ANK2: variants seen among roughly 807,000 people sequenced by gnomAD.
The protein encoded by ANK2 is ankyrin-2.
In ANK2, 83 loss-of-function variants were observed where a neutral mutation model predicts 360.5. The observed-to-expected ratio is 0.23, with a 90% CI of 0.19 to 0.28. The LOEUF (loss-of-function observed/expected upper bound fraction) is 0.28. Among genes scored for constraint, ANK2 ranks in the 10% least tolerant of loss-of-function variants. ANK2 has a pLI of 1.00. For synonymous variants in ANK2, 1,740 were observed against 1,759.5 expected, an observed-to-expected ratio of 0.99 and a Z score of 0.28; for missense variants, 4,201 against 4,795.7, an observed-to-expected ratio of 0.88 and a Z score of 3.66.
chr4:113,208,979 C>T (rs542529604), intron 4 of ANK2, among the ~76,000 whole-genome samples: 14 of 152,082 alleles, frequency 9.2e-5, no homozygotes, highest in African/African-American at 3.1e-4. Context: ...AGGCAAAGGG[C>T]ATACTTCCCC....
the ANK2 span, among the ~76,000 whole-genome samples, chr4:112,746,701 AAC>A: frequency 8.5e-5 from 13 of 152,344 alleles, no homozygotes; most frequent in African/African-American, 3.1e-4. Flanking sequence ...AATAGAAACA[AAC>A]AGTTAACACA....
In ANK2 at chr4:113,354,829, T is replaced by G; in HGVS notation, c.6211T>G (p.Ser2071Ala). Residue 2071 changes from serine to alanine, a missense_variant, in exon 38 of 46, where the codon TCC becomes GCC. Physicochemically the swap from Ser to Ala is moderately conservative, Grantham distance 99. Around this residue, in one of 4 missense-constraint regions of ANK2, gnomAD observed 2,642 missense variants for 2,714.5 expected, o/e 0.97. Transcript: ENST00000357077. ...AGAATCCAAAAGAGGAGTTCGTGTTTCCTCCATAGGAGTTAAGAAAGAAGA... is the reference window on the plus strand; with the variant it reads ...AGAATCCAAAAGAGGAGTTCGTGTTGCCTCCATAGGAGTTAAGAAAGAAGA... ...TAESKRGVRVSSIGVKKEDAA... is the reference protein window; with the variant it reads ...TAESKRGVRVASIGVKKEDAA... 6.2e-7 allele frequency: 1 copy of G among 1,614,114 alleles called. No individual in the cohort carries two copies. The highest frequency in any genetic ancestry group is 8.5e-7 in the Non-Finnish European group (1 of 1,179,994).
At chr4:113,349,117 ATAC>A (rs1303960600) in intron 36 of ANK2, among the ~76,000 whole-genome samples, 1 of 152,148 alleles carries the variant, frequency 6.6e-6, no homozygotes, top group Non-Finnish European at 1.5e-5. Context: ...TTGTTATTAA[ATAC>A]TACATTATTG....
At chr4:112,740,648 G>C in the ANK2 span, among the ~76,000 whole-genome samples, 2 of 151,930 alleles carry the variant, frequency 1.3e-5, no homozygotes, top group African/African-American at 4.8e-5. Flanking sequence ...AACCCAGTGA[G>C]CCGAGATCTT....
At chr4:112,963,435 G>T (rs2035786777) in intron 2 of ANK2, among the ~76,000 whole-genome samples, 1 of 152,134 alleles carries the variant, frequency 6.6e-6, no homozygotes, top group Non-Finnish European at 1.5e-5. Context: ...TAGGTTGAGT[G>T]GGTTTGGTAA....
Position 113,357,346 on chromosome 4 carries a change from G to A in ANK2, c.8728G>A (p.Val2910Met), listed in dbSNP as rs748400535. 69 of 1,613,890 alleles carry A rather than the reference G, an allele frequency of 4.3e-5. No homozygotes were observed. Among genetic ancestry groups the A allele is most frequent in the East Asian group, 6.7e-5 (3 of 44,886 alleles). Residue 2910 changes from valine to methionine, a missense_variant, in exon 38 of 46, where the codon GTG becomes ATG. Transcript: ENST00000357077. ...AGATAGATTTTCCATGGATGTTCCCGTGTCTGACCTAGCTGAGAATGATGA... is the reference window on the plus strand; with the variant it reads ...AGATAGATTTTCCATGGATGTTCCCATGTCTGACCTAGCTGAGAATGATGA... ...QTDRFSMDVPVSDLAENDEIY... is the reference protein window; with the variant it reads ...QTDRFSMDVPMSDLAENDEIY...
At chr4:113,083,050 C>G (rs1046929862) in intron 1 of ANK2, among the ~76,000 whole-genome samples, 1 of 151,570 alleles carries the variant, frequency 6.6e-6, no homozygotes, top group African/African-American at 2.4e-5. Context: ...TGTATAATTT[C>G]TTTTGTTGTT....
chr4:112,762,947 A>T, the ANK2 span, among the ~76,000 whole-genome samples: 1 of 152,214 alleles, frequency 6.6e-6, no homozygotes, highest in African/African-American at 2.4e-5. Flanking sequence ...TTAAAACCTT[A>T]CGTTTTGAAA....
the ANK2 span, chr4:112,788,442 C>A: frequency 1.9e-6 from 3 of 1,600,554 alleles, no homozygotes; most frequent in Non-Finnish European, 2.6e-6. Context: ...TTCTTGTTCT[C>A]CACCAAGGTG....
At position 113,114,601 on chromosome 4, in the gene ANK2, T is replaced by A. The variant is rs191215162; in HGVS notation, c.85-59815T>A. On this transcript the variant is annotated intron_variant, in intron 1 of 45. Coordinates refer to ENST00000357077, the MANE Select transcript of ANK2 (RefSeq NM_001148.6). ...ATTAAGTTGAAGTTTAAAAAATGTG[T>A]AAAAATGTATAATTTTCCTGGCATT... 1.8e-3 allele frequency among the ~76,000 whole-genome samples: 279 copies of A among 152,266 alleles called. 1 individual carries two copies. Among genetic ancestry groups the A allele is most frequent in the Admixed American group, 5.4e-3 (82 of 15,286 alleles).
At chr4:112,846,335 C>T (rs2063296969) in intron 1 of ANK2, among the ~76,000 whole-genome samples, 1 of 152,120 alleles carries the variant, frequency 6.6e-6, no homozygotes, top group South Asian at 2.1e-4. Flanking sequence ...TGGCCTCCAA[C>T]TCTGGGCTCA....
chr4:113,169,122 A>G (rs1331267353), intron 1 of ANK2, among the ~76,000 whole-genome samples: 1 of 152,246 alleles, frequency 6.6e-6, no homozygotes, highest in Non-Finnish European at 1.5e-5. Flanking sequence ...AAGAAAAGCC[A>G]CTAATATAAA....
At position 113,311,309 on chromosome 4, in the gene ANK2, A is replaced by G. The variant is rs1436846251; in HGVS notation, c.2603A>G (p.Lys868Arg). ...GAATACCTTAGGCCTGAGGACCTAA[A>G]AGAACTGGGTGATGACTCACTACCC... Reference protein sequence around the residue: ...GGEYLRPEDLKELGDDSLPSS... With the variant: ...GGEYLRPEDLRELGDDSLPSS... The change falls in exon 24 of 46, where the codon AAA becomes AGA. Residue 868 changes from lysine to arginine, a missense_variant. This residue lies in a region of ANK2 where 1,268 missense variants were observed against 1,650.8 expected (regional missense o/e 0.77). Transcript: ENST00000357077. 3.7e-6 allele frequency: 6 copies of G among 1,614,064 alleles called. No individual in the cohort carries two copies. The highest frequency in any genetic ancestry group is 5.1e-6 in the Non-Finnish European group (6 of 1,180,032).
intron 26 of ANK2, among the ~76,000 whole-genome samples, chr4:113,320,524 G>A (rs1421332785): frequency 2.0e-5 from 3 of 151,970 alleles, no homozygotes; most frequent in Non-Finnish European, 4.4e-5. Flanking sequence ...TGGTGGTGGT[G>A]CACACCTGTA....
intron 2 of ANK2, among the ~76,000 whole-genome samples, chr4:113,188,068 A>G (rs1402473984): frequency 6.6e-6 from 1 of 152,164 alleles, no homozygotes; most frequent in Non-Finnish European, 1.5e-5. Context: ...CTCAGATGAT[A>G]CATATGAAAA....
At chr4:112,754,167 A>G in the ANK2 span, among the ~76,000 whole-genome samples, 496 of 144,908 alleles carry the variant, frequency 3.4e-3, 3 homozygotes, top group Admixed American at 6.8e-3. Context: ...ATGGGGATAT[A>G]TAAAACAGCT....
At chr4:113,204,808 T>A (rs976042461) in intron 4 of ANK2, among the ~76,000 whole-genome samples, 3 of 152,148 alleles carry the variant, frequency 2.0e-5, no homozygotes, top group Non-Finnish European at 2.9e-5. Context: ...CTGCTATAAC[T>A]AAGAGCCTTC....
At chr4:112,723,397 T>G in the ANK2 span, among the ~76,000 whole-genome samples, 3 of 152,198 alleles carry the variant, frequency 2.0e-5, no homozygotes, top group Non-Finnish European at 2.9e-5. Flanking sequence ...ACGGACTCAC[T>G]CTGTCACCCA....
chr4:112,922,301 G>A (rs1472986061), intron 2 of ANK2, among the ~76,000 whole-genome samples: 1 of 152,122 alleles, frequency 6.6e-6, no homozygotes, highest in Non-Finnish European at 1.5e-5. Context: ...TCCTTTTCAT[G>A]TAGCCCAAGG....
Sources: allele counts gnomAD v4.1 joint callset (sites outside exome capture counted in the v4.1 genomes callset), GRCh38; gene constraint gnomAD v4.1.1; regional missense constraint gnomAD v4.1.1; transcripts MANE v1.5; gene names NCBI Gene and HGNC (gene_info 2026-07-23, HGNC 2026-07-21).